The following ASXL3 variants were observed in gnomAD, a reference collection of about 807,000 sequenced individuals.
ASXL3 encodes the protein putative Polycomb group protein ASXL3.
ASXL3 carries 34 observed loss-of-function variants against 170.6 expected under a neutral mutation model. The ratio of observed to expected loss-of-function variants is 0.20; its 90% CI spans 0.15 to 0.27. The LOEUF (loss-of-function observed/expected upper bound fraction) is 0.27. ASXL3 is among the 10% of genes least tolerant of loss of function. ASXL3 has a pLI of 1.00. For synonymous variants in ASXL3, 1,002 were observed against 989.1 expected (o/e 1.01, Z -0.24); for missense variants, 2,592 against 2,695.3 (o/e 0.96, Z 0.85).
intron 4 of ASXL3, among the ~76,000 whole-genome samples, chr18:33,657,921 C>T (rs575399642): frequency 2.6e-5 from 4 of 152,168 alleles, no homozygotes; most frequent in East Asian, 3.9e-4. Context: ...GAACTAGTCT[C>T]ATTTTGTTTC....
In ASXL3 at chr18:33,745,970, T is replaced by TACCTCCACC. The variant is rs2067781358; in HGVS notation, c.6123_6131dup (p.Pro2042_Pro2044dup). 2 of 891,336 alleles carry TACCTCCACC rather than the reference T, an allele frequency of 2.2e-6. No individual in the cohort carries two copies. Among genetic ancestry groups the TACCTCCACC allele is most frequent in the Admixed American group, 3.9e-5 (1 of 25,524 alleles). The allele number at this position is 891,336 out of a possible 1,614,324, so 55.2% of individuals were successfully genotyped here. On this transcript the variant is annotated inframe_insertion, in exon 12 of 12. Coordinates refer to ENST00000269197, the MANE Select transcript of ASXL3 (RefSeq NM_030632.3). ...CCGCCTCCCCCCCCACCACCTCCGC[T>TACCTCCACC]ACCTCCACCTCTCCCTAATGCAGAA...
At chr18:33,631,419 G>A (rs185614647) in intron 2 of ASXL3, among the ~76,000 whole-genome samples, 3 of 152,054 alleles carry the variant, frequency 2.0e-5, no homozygotes, top group East Asian at 1.9e-4. Context: ...CAAGTGATGC[G>A]TCTTGCTTAT....
intron 7 of ASXL3, among the ~76,000 whole-genome samples, chr18:33,676,084 T>C (rs898798311): frequency 5.3e-5 from 8 of 151,064 alleles, no homozygotes; most frequent in South Asian, 2.1e-4. Context: ...ATTAGCTGGG[T>C]ATGGTGGCAG....
At chr18:33,721,332 G>C (rs1295613433) in intron 8 of ASXL3, among the ~76,000 whole-genome samples, 4 of 151,924 alleles carry the variant, frequency 2.6e-5, no homozygotes, top group South Asian at 2.1e-4. Context: ...TGGCCAAGTG[G>C]TTGGATTGGC....
chr18:33,655,248 T>C (rs1277064840), intron 4 of ASXL3, among the ~76,000 whole-genome samples: 1 of 152,000 alleles, frequency 6.6e-6, no homozygotes, highest in African/African-American at 2.4e-5. Context: ...TTATTTTGCA[T>C]TTTTTCTGAA....
intron 7 of ASXL3, among the ~76,000 whole-genome samples, chr18:33,673,108 A>G (rs11081819): frequency 0.54 from 81,927 of 151,988 alleles, 22,642 homozygotes; most frequent in East Asian, 0.89. Context: ...TACTTCTGAA[A>G]TAGAAAACTA....
chr18:33,650,265 G>A (rs62092366), intron 4 of ASXL3, among the ~76,000 whole-genome samples: 14,845 of 152,094 alleles, frequency 0.098, 905 homozygotes, highest in African/African-American at 0.16. Context: ...TGAATAGTTA[G>A]TAATATAGTC....
chr18:33,681,784 G>C (rs1392591289), intron 7 of ASXL3, among the ~76,000 whole-genome samples: 2 of 151,656 alleles, frequency 1.3e-5, no homozygotes, highest in Non-Finnish European at 2.9e-5. Context: ...TTAAAATTCA[G>C]AAACTTCTAT....
intron 8 of ASXL3, among the ~76,000 whole-genome samples, chr18:33,686,369 A>T (rs1343717094): frequency 2.6e-5 from 4 of 152,200 alleles, no homozygotes; most frequent in Non-Finnish European, 4.4e-5. Flanking sequence ...TAAGTGTTTT[A>T]CCAAGTTTAG....
rs540494125 is a variant in ASXL3, at chr18:33,723,369, G to A, written c.880-8599G>A. Among the ~76,000 whole-genome samples the A allele has an allele frequency of 3.3e-5, 5 of 152,230 alleles. No individual in the cohort carries two copies. The East Asian group carries it at 9.7e-4, about 29-fold the overall frequency. On this transcript the variant is annotated intron_variant, in intron 8 of 11. Transcript: ENST00000269197. ...GGAGGTCAAAATAGCAACATTAACA[G>A]GACTTTGAAAGAAGTTGATTCTGAT...
intron 7 of ASXL3, among the ~76,000 whole-genome samples, chr18:33,673,659 G>A (rs1217977618): frequency 6.6e-6 from 1 of 152,096 alleles, no homozygotes; most frequent in Non-Finnish European, 1.5e-5. Context: ...CACCATGCCT[G>A]GCCCAGGATT....
chr18:33,732,860 CAAAA>C (rs58760847), intron 9 of ASXL3, among the ~76,000 whole-genome samples: 24 of 134,578 alleles, frequency 1.8e-4, no homozygotes, highest in Admixed American at 3.0e-4. Context: ...CACCCTGTCT[CAAAA>C]AAAAAAAAAA....
intron 8 of ASXL3, among the ~76,000 whole-genome samples, chr18:33,718,022 C>T (rs2067193758): frequency 1.3e-5 from 2 of 152,100 alleles, no homozygotes; most frequent in African/African-American, 2.4e-5. Context: ...GTAGCTCCTA[C>T]TACCTATATG....
rs188165273 is a variant in ASXL3 at position 33,733,751 on chromosome 18, A to G, written c.977-559A>G. Among the ~76,000 whole-genome samples, 958 of 152,308 alleles carry G rather than the reference A, an allele frequency of 6.3e-3. 10 individuals are homozygous for G. The highest frequency in any genetic ancestry group is 0.022 in the African/African-American group (924 of 41,576). The stretch of plus-strand genomic sequence containing the variant: ...TTTTACTCACAATTGGCCACTCAAA[A>G]GATCATAAACATATGGATTTGTATC... On this transcript the variant is annotated intron_variant, in intron 9 of 11. Coordinates refer to ENST00000269197, the MANE Select transcript of ASXL3 (RefSeq NM_030632.3).
chr18:33,635,272 C>G (rs924378330), intron 2 of ASXL3, among the ~76,000 whole-genome samples: 2 of 152,176 alleles, frequency 1.3e-5, no homozygotes, highest in Non-Finnish European at 2.9e-5. Context: ...CATATAAGCT[C>G]TCTCTTTGGC....
chr18:33,646,754 T>C lies in ASXL3; in HGVS notation c.355+401T>C, dbSNP rs537101298. 2.6e-5 allele frequency among the ~76,000 whole-genome samples: 4 copies of C among 151,640 alleles called. No homozygotes were observed. In the South Asian group the frequency reaches 8.3e-4, roughly 32 times the overall value. ...GTAGTTTTATAACAGCTTTGTTCCT[T>C]GGTTTGTCTTTTGCAAATGAAGCTC... On this transcript the variant is annotated intron_variant, in intron 4 of 11. Coordinates refer to ENST00000269197, the MANE Select transcript of ASXL3 (RefSeq NM_030632.3).
chr18:33,644,174 A>T (rs1198199445), intron 2 of ASXL3, among the ~76,000 whole-genome samples: 1 of 151,822 alleles, frequency 6.6e-6, no homozygotes, highest in Non-Finnish European at 1.5e-5. Context: ...ATGCTGTTTG[A>T]TTTCTTTAAA....
Position 33,745,630 on chromosome 18 carries a change from A to G in ASXL3, c.5782A>G (p.Arg1928Gly). The change falls in exon 12 of 12, where the codon AGA becomes GGA. Residue 1928 changes from arginine to glycine, a missense_variant. By Grantham distance (125) the Arg-to-Gly change is moderately radical (BLOSUM62 -2). This residue lies in a region of ASXL3 where 2,246 missense variants were observed against 2,219.6 expected (regional missense o/e 1.01). Coordinates refer to ENST00000269197, the MANE Select transcript of ASXL3 (RefSeq NM_030632.3). ...GFHTDAGTSH[R>G]QQFYQMPVAA... is the part of the protein sequence containing the mutation. ...CCACACTGACGCTGGTACCTCACACAGACAGCAGTTTTACCAAATGCCTGT... is the reference window on the plus strand; with the variant it reads ...CCACACTGACGCTGGTACCTCACACGGACAGCAGTTTTACCAAATGCCTGT... The G allele has an allele frequency of 6.2e-7, 1 of 1,613,988 alleles. No homozygotes were observed. Among genetic ancestry groups the G allele is most frequent in the South Asian group, 1.1e-5 (1 of 91,078 alleles).
chr18:33,670,013 T>A (rs914194549), intron 5 of ASXL3, among the ~76,000 whole-genome samples: 2 of 152,146 alleles, frequency 1.3e-5, no homozygotes, highest in Non-Finnish European at 1.5e-5. Flanking sequence ...CTTATATTCA[T>A]TTTTTTCCTG....
Sources: gnomAD v4.1 joint callset for allele counts (sites outside exome capture counted in the v4.1 genomes callset) on GRCh38, gnomAD v4.1.1 for gene constraint, gnomAD v4.1.1 regional missense constraint, MANE v1.5 for transcripts, NCBI Gene and HGNC (gene_info 2026-07-23, HGNC 2026-07-21) for gene names.